Variants in PTPN13 observed in about 807,000 individuals in gnomAD.
PTPN13 encodes the protein protein tyrosine phosphatase non-receptor type 13.
A neutral mutation model predicts 284.0 loss-of-function variants in PTPN13; 191 were observed. That is an observed-to-expected ratio of 0.67 (90% CI 0.60 to 0.76). PTPN13 has a LOEUF of 0.76. Ranked by LOEUF, PTPN13 falls within the 30% of genes least tolerant of loss-of-function variation. The pLI, the probability that PTPN13 is intolerant of heterozygous loss-of-function variation, is 0.00. For missense variants in PTPN13, 2,797 were observed against 2,939.9 expected, an observed-to-expected ratio of 0.95 and a Z score of 1.12; for synonymous variants, 986 against 1,022.3, an observed-to-expected ratio of 0.96 and a Z score of 0.68.
intron 9 of PTPN13, among the ~76,000 whole-genome samples, chr4:86,717,405 TC>T (rs1432577923): frequency 6.6e-6 from 1 of 152,074 alleles, no homozygotes; most frequent in African/African-American, 2.4e-5. Flanking sequence ...GCCAGGCTGG[TC>T]TCGAACTCCT....
At chr4:86,661,773 C>T (rs1208330802) in intron 2 of PTPN13, among the ~76,000 whole-genome samples, 2 of 152,164 alleles carry the variant, frequency 1.3e-5, no homozygotes, top group Non-Finnish European at 2.9e-5. Flanking sequence ...TCATCCAATT[C>T]TCCAAAAATG....
chr4:86,686,849 C>G, intron 4 of PTPN13, 74 bp downstream of exon 4: 1 of 1,019,240 alleles, frequency 9.8e-7, no homozygotes. Context: ...AGCTCTTCCA[C>G]ACGTTTATAC....
At chr4:86,793,531 C>T (rs1192265334) in intron 40 of PTPN13, among the ~76,000 whole-genome samples, 1 of 152,168 alleles carries the variant, frequency 6.6e-6, no homozygotes, top group Non-Finnish European at 1.5e-5. Context: ...AACTCTCCAC[C>T]CCAAATCAGC....
At chr4:86,679,856 G>A (rs1374866089) in intron 3 of PTPN13, among the ~76,000 whole-genome samples, 7 of 152,170 alleles carry the variant, frequency 4.6e-5, no homozygotes, top group East Asian at 1.9e-4. Flanking sequence ...AGAATGGATC[G>A]AGAGGTAGAA....
At chr4:86,812,385 G>C (rs1471991994) in intron 47 of PTPN13, among the ~76,000 whole-genome samples, 2 of 150,144 alleles carry the variant, frequency 1.3e-5, no homozygotes, top group African/African-American at 4.9e-5. Flanking sequence ...AAAGATCCTT[G>C]CTAGAATAAC....
At chr4:86,617,158 A>G (rs1213448836) in intron 1 of PTPN13, among the ~76,000 whole-genome samples, 1 of 152,136 alleles carries the variant, frequency 6.6e-6, no homozygotes, top group African/African-American at 2.4e-5. Context: ...TTATAACCCT[A>G]TTTTCATAAT....
chr4:86,659,170 A>G (rs1441203790), intron 2 of PTPN13, among the ~76,000 whole-genome samples: 1 of 152,158 alleles, frequency 6.6e-6, no homozygotes, highest in Non-Finnish European at 1.5e-5. Flanking sequence ...GACCTGCATT[A>G]GAAGGATGAA....
chr4:86,614,535 A>G (rs1265607438), intron 1 of PTPN13, among the ~76,000 whole-genome samples: 2 of 152,170 alleles, frequency 1.3e-5, no homozygotes, highest in Non-Finnish European at 2.9e-5. Context: ...GACATGGTCA[A>G]TTAAACAAAT....
intron 32 of PTPN13, among the ~76,000 whole-genome samples, chr4:86,773,480 A>G (rs1578634889): frequency 6.6e-6 from 1 of 152,298 alleles, no homozygotes; most frequent in African/African-American, 2.4e-5. Context: ...ATAGTCCTAG[A>G]ACTTCTAAAC....
Position 86,694,057 on chromosome 4 carries a change from G to A in PTPN13, c.634+383G>A, listed in dbSNP as rs529354483. 3.4e-3 allele frequency among the ~76,000 whole-genome samples: 512 copies of A among 149,900 alleles called. 8 individuals carry two copies. The highest frequency in any genetic ancestry group is 0.012 in the African/African-American group (482 of 40,856). ...TACTGAAACAAAAGTTTCAGAAAACGTTTTTCTTACTGCACTCTGATATTT... is the reference window on the plus strand; with the variant it reads ...TACTGAAACAAAAGTTTCAGAAAACATTTTTCTTACTGCACTCTGATATTT... On this transcript the variant is annotated intron_variant, in intron 6 of 47. Coordinates refer to ENST00000411767, the MANE Select transcript of PTPN13 (RefSeq NM_080683.3).
intron 42 of PTPN13, among the ~76,000 whole-genome samples, chr4:86,803,110 TAAAA>T (rs1744225971): frequency 7.5e-6 from 1 of 132,678 alleles, no homozygotes; most frequent in South Asian, 2.3e-4. Context: ...GTGTATAAAA[TAAAA>T]TAAAGACCTT....
intron 16 of PTPN13, 62 bp from the exon 17 acceptor site, chr4:86,744,904 C>A: frequency 2.3e-6 from 3 of 1,280,050 alleles, no homozygotes; most frequent in East Asian, 2.5e-5. Context: ...CAGTGCCTAA[C>A]AAGAAATATA....
At chr4:86,598,424 C>T (rs1764015563) in intron 1 of PTPN13, among the ~76,000 whole-genome samples, 2 of 152,142 alleles carry the variant, frequency 1.3e-5, no homozygotes, top group African/African-American at 4.8e-5. Flanking sequence ...GGATTACAGG[C>T]GTGAGCCACC....
intron 1 of PTPN13, among the ~76,000 whole-genome samples, chr4:86,608,590 A>G (rs1565134064): frequency 6.6e-6 from 1 of 152,138 alleles, no homozygotes; most frequent in Non-Finnish European, 1.5e-5. Context: ...TACTACTGTT[A>G]TCTTCCTTTT....
At chr4:86,769,101 T>C (rs538434277) in intron 28 of PTPN13, among the ~76,000 whole-genome samples, 1 of 152,216 alleles carries the variant, frequency 6.6e-6, no homozygotes, top group South Asian at 2.1e-4. Context: ...TATTTTCTGG[T>C]TATTGTTCTT....
At chr4:86,622,881 T>C (rs1721414949) in intron 1 of PTPN13, among the ~76,000 whole-genome samples, 1 of 152,204 alleles carries the variant, frequency 6.6e-6, no homozygotes, top group Non-Finnish European at 1.5e-5. Flanking sequence ...TAATCAGCAT[T>C]GCAAACATAA....
chr4:86,684,863 G>A (rs12498653), intron 3 of PTPN13, among the ~76,000 whole-genome samples: 1,728 of 152,246 alleles, frequency 0.011, 10 homozygotes, highest in Non-Finnish European at 0.013. Flanking sequence ...TCTGAATCTC[G>A]ACAGAAGGAA....
At chr4:86,724,883 A>T (rs1411383262) in intron 10 of PTPN13, among the ~76,000 whole-genome samples, 1 of 151,846 alleles carries the variant, frequency 6.6e-6, no homozygotes, top group Non-Finnish European at 1.5e-5. Flanking sequence ...TTTGTTATGT[A>T]GGTAGACATG....
chr4:86,701,838 G>A, intron 7 of PTPN13, 37 bp downstream of exon 7: 1 of 1,517,274 alleles, frequency 6.6e-7, no homozygotes, highest in Non-Finnish European at 8.9e-7. Flanking sequence ...AAGAATTGAA[G>A]TATTTTAAAT....
Sources: allele counts gnomAD v4.1 joint callset (sites outside exome capture counted in the v4.1 genomes callset), GRCh38; gene constraint gnomAD v4.1.1; transcripts MANE v1.5; gene names NCBI Gene and HGNC (gene_info 2026-07-23, HGNC 2026-07-21).